NFATC1: variants seen among roughly 807,000 people sequenced by gnomAD.
The protein encoded by NFATC1 is nuclear factor of activated T-cells, cytoplasmic 1.
NFATC1 carries 22 observed loss-of-function variants against 76.0 expected under a neutral mutation model. That is an observed-to-expected ratio of 0.29 (90% CI 0.21 to 0.41). The LOEUF (loss-of-function observed/expected upper bound fraction) is 0.41, where lower values mean the gene tolerates loss of function less well. Ranked by LOEUF, NFATC1 falls within the 10% of genes least tolerant of loss-of-function variation. The pLI is 1.00. For missense variants in NFATC1, 1,357 were observed against 1,337.7 expected (o/e 1.01, Z -0.23); for synonymous variants, 704 against 613.1 (o/e 1.15, Z -2.19).
chr18:79,463,063 G>A (rs530141446), intron 7 of NFATC1, among the ~76,000 whole-genome samples: 29 of 152,318 alleles, frequency 1.9e-4, no homozygotes, highest in African/African-American at 5.8e-4. Context: ...TCCACCCTGC[G>A]ACTTCAGCGC....
intron 2 of NFATC1, among the ~76,000 whole-genome samples, chr18:79,418,937 C>T (rs1191618611): frequency 1.3e-5 from 2 of 152,174 alleles, no homozygotes; most frequent in African/African-American, 4.8e-5. Context: ...CCTGGTCCTT[C>T]TCAATGTTAC....
chr18:79,456,489 G>A (rs1020232453), intron 6 of NFATC1, among the ~76,000 whole-genome samples: 2 of 152,242 alleles, frequency 1.3e-5, no homozygotes, highest in African/African-American at 4.8e-5. Flanking sequence ...GATTTCCCCA[G>A]TGAGGCATCA....
chr18:79,478,949 C>G (rs2089179210), intron 8 of NFATC1, among the ~76,000 whole-genome samples: 1 of 152,202 alleles, frequency 6.6e-6, no homozygotes. Context: ...ACGCCGCTGA[C>G]CACTGCGCGC....
intron 9 of NFATC1, among the ~76,000 whole-genome samples, chr18:79,507,803 G>C (rs143733828): frequency 6.6e-6 from 1 of 152,400 alleles, no homozygotes; most frequent in Non-Finnish European, 1.5e-5. Flanking sequence ...CGCATCCGCA[G>C]TGCTTTTACG....
intron 3 of NFATC1, among the ~76,000 whole-genome samples, chr18:79,444,953 C>T (rs576082593): frequency 1.1e-4 from 17 of 152,304 alleles, no homozygotes; most frequent in Non-Finnish European, 1.6e-4. Flanking sequence ...CCCGAAGCCC[C>T]GGCAAGCACA....
chr18:79,519,019 C>T (rs2090451020), intron 9 of NFATC1, among the ~76,000 whole-genome samples: 1 of 152,230 alleles, frequency 6.6e-6, no homozygotes, highest in African/African-American at 2.4e-5. Flanking sequence ...GTCCTGAGCC[C>T]TGCAGGACTG....
chr18:79,489,549 C>T (rs1044542021), intron 9 of NFATC1, among the ~76,000 whole-genome samples: 5 of 152,224 alleles, frequency 3.3e-5, no homozygotes, highest in South Asian at 2.1e-4. Flanking sequence ...AACCTCTCCC[C>T]GCAGAGTGAG....
At chr18:79,500,093 C>T (rs1312805832) in intron 9 of NFATC1, among the ~76,000 whole-genome samples, 1 of 152,076 alleles carries the variant, frequency 6.6e-6, no homozygotes, top group East Asian at 1.9e-4. Flanking sequence ...GGATATAAAA[C>T]ACTTAAGACT....
chr18:79,507,909 C>T (rs772527095), intron 9 of NFATC1, among the ~76,000 whole-genome samples: 4 of 152,240 alleles, frequency 2.6e-5, no homozygotes, highest in Non-Finnish European at 5.9e-5. Context: ...TGGGGGCCGT[C>T]GCTCTGGCCG....
intron 6 of NFATC1, among the ~76,000 whole-genome samples, chr18:79,457,712 T>G (rs1464830454): frequency 2.0e-5 from 3 of 152,124 alleles, no homozygotes; most frequent in African/African-American, 7.2e-5. Context: ...CCACCCCTGC[T>G]CTCCCTTCCC....
At chr18:79,513,337 G>A (rs531368350) in intron 9 of NFATC1, among the ~76,000 whole-genome samples, 27 of 152,110 alleles carry the variant, frequency 1.8e-4, no homozygotes, top group Non-Finnish European at 3.8e-4. Flanking sequence ...TGAGGCTCCC[G>A]GGTCAGCACA....
intron 8 of NFATC1, among the ~76,000 whole-genome samples, chr18:79,485,777 G>C (rs190503816): frequency 6.6e-6 from 1 of 152,346 alleles, no homozygotes; most frequent in East Asian, 1.9e-4. Context: ...AGTGACGGAC[G>C]GCTTCTCTCC....
At chr18:79,476,373 G>A (rs190782680) in intron 8 of NFATC1, among the ~76,000 whole-genome samples, 6 of 152,372 alleles carry the variant, frequency 3.9e-5, no homozygotes, top group Non-Finnish European at 7.3e-5. Context: ...CGGGCAGCGC[G>A]GGCGAGGATT....
At chr18:79,482,334 C>T (rs1189435848) in intron 8 of NFATC1, among the ~76,000 whole-genome samples, 10 of 140,686 alleles carry the variant, frequency 7.1e-5, no homozygotes, top group Non-Finnish European at 4.6e-5. Context: ...GGGTGTCATT[C>T]CAGCGTGACC....
chr18:79,444,668 T>C (rs941167606), intron 3 of NFATC1, among the ~76,000 whole-genome samples: 94 of 149,460 alleles, frequency 6.3e-4, no homozygotes, highest in African/African-American at 1.0e-3. Context: ...CAGGCACCCC[T>C]GTGGGCACCC....
chr18:79,419,118 G>T (rs1480549487), intron 2 of NFATC1, among the ~76,000 whole-genome samples: 1 of 152,142 alleles, frequency 6.6e-6, no homozygotes, highest in Non-Finnish European at 1.5e-5. Flanking sequence ...CGACCTCCTG[G>T]GCTCAGGTGA....
At chr18:79,479,195 A>G (rs915559761) in intron 8 of NFATC1, among the ~76,000 whole-genome samples, 1 of 152,230 alleles carries the variant, frequency 6.6e-6, no homozygotes, top group African/African-American at 2.4e-5. Flanking sequence ...TTAGCCTGAA[A>G]ATGAGCTGCC....
In NFATC1 at chr18:79,451,771, A is replaced by G. The variant is rs1269709830; in HGVS notation, c.1858A>G (p.Asn620Asp). 6.2e-7 allele frequency: 1 copy of G among 1,613,066 alleles called. No individual in the cohort carries two copies. Among genetic ancestry groups the G allele is most frequent in the South Asian group, 1.1e-5 (1 of 90,762 alleles). The change falls in exon 6 of 10, where the codon AAC becomes GAC. Residue 620 changes from asparagine (N) to aspartate (D), a missense_variant. This residue lies in a region of NFATC1 where 242 missense variants were observed against 329.2 expected (regional missense o/e 0.74). Coordinates refer to ENST00000427363, the MANE Select transcript of NFATC1 (RefSeq NM_001278669.2). Reference protein sequence around the residue: ...GGKKMVLSGHNFLQDSKVIFV... With the variant: ...GGKKMVLSGHDFLQDSKVIFV... ...GAAGAAGATGGTCCTGTCTGGCCAC[A>G]ACTTCCTGCAGGACTCCAAGGTCAT... is the stretch of plus-strand genomic sequence containing the variant.
At chr18:79,455,146 A>C (rs559647627) in intron 6 of NFATC1, among the ~76,000 whole-genome samples, 1 of 152,096 alleles carries the variant, frequency 6.6e-6, no homozygotes, top group Non-Finnish European at 1.5e-5. Flanking sequence ...GAGCTGAACA[A>C]CCTCCTTTTC....
Sources: allele counts gnomAD v4.1 joint callset (sites outside exome capture counted in the v4.1 genomes callset), GRCh38; gene constraint gnomAD v4.1.1; regional missense constraint gnomAD v4.1.1; transcripts MANE v1.5; gene names NCBI Gene and HGNC (gene_info 2026-07-23, HGNC 2026-07-21).